The following KIAA1328 variants were observed in gnomAD, a reference collection of about 807,000 sequenced individuals.
KIAA1328 encodes protein hinderin.
Under a neutral mutation model 68.1 loss-of-function variants are expected in KIAA1328, and 52 were observed. That is an observed-to-expected ratio of 0.76 (90% CI 0.61 to 0.96). KIAA1328 has a LOEUF of 0.96. KIAA1328 is among the 40% of genes least tolerant of loss of function. The pLI, the probability that KIAA1328 is intolerant of heterozygous loss-of-function variation, is 0.00. For synonymous variants in KIAA1328, 232 were observed against 239.4 expected, an observed-to-expected ratio of 0.97 and a Z score of 0.28; for missense variants, 641 against 677.6, an observed-to-expected ratio of 0.95 and a Z score of 0.60.
chr18:36,891,471 T>C (rs1360769814), intron 5 of KIAA1328, among the ~76,000 whole-genome samples: 7 of 152,130 alleles, frequency 4.6e-5, no homozygotes, highest in Admixed American at 4.6e-4. Context: ...TCTTCCCCCC[T>C]CTGCTGAGTC....
At chr18:37,173,385 T>C (rs2059538163) in intron 9 of KIAA1328, among the ~76,000 whole-genome samples, 1 of 152,236 alleles carries the variant, frequency 6.6e-6, no homozygotes, top group Admixed American at 6.5e-5. Flanking sequence ...AGAAAAGTTA[T>C]ACATTTAGAC....
intron 5 of KIAA1328, among the ~76,000 whole-genome samples, chr18:36,929,955 A>G (rs981747476): frequency 1.3e-5 from 2 of 152,130 alleles, no homozygotes; most frequent in Admixed American, 6.5e-5. Flanking sequence ...TAGTAGTTTC[A>G]GCCTTTGCTT....
At chr18:36,992,544 C>T (rs1158000931) in intron 6 of KIAA1328, among the ~76,000 whole-genome samples, 2 of 145,390 alleles carry the variant, frequency 1.4e-5, no homozygotes, top group African/African-American at 2.7e-5. Context: ...GTTGCATGTT[C>T]CTCTTTCCTG....
intron 3 of KIAA1328, among the ~76,000 whole-genome samples, chr18:36,841,716 G>A (rs2046865040): frequency 6.6e-6 from 1 of 152,140 alleles, no homozygotes; most frequent in Admixed American, 6.5e-5. Context: ...AAATGAATGA[G>A]CACGTTTTAA....
At chr18:37,211,320 T>G (rs1181486603) in intron 9 of KIAA1328, among the ~76,000 whole-genome samples, 2 of 152,184 alleles carry the variant, frequency 1.3e-5, no homozygotes, top group Non-Finnish European at 2.9e-5. Flanking sequence ...GACCTCAGTT[T>G]CCTCATCAAT....
chr18:37,154,190 C>G (rs1438509567), intron 7 of KIAA1328, among the ~76,000 whole-genome samples: 5 of 152,162 alleles, frequency 3.3e-5, no homozygotes, highest in African/African-American at 9.7e-5. Flanking sequence ...GAGAGGGAAG[C>G]AAATAATATC....
chr18:37,154,373 T>C (rs2059108466), intron 7 of KIAA1328, among the ~76,000 whole-genome samples: 1 of 152,222 alleles, frequency 6.6e-6, no homozygotes, highest in South Asian at 2.1e-4. Flanking sequence ...ATTCTTTCTG[T>C]CACATTTGAT....
rs138167707 is a variant in KIAA1328, at chr18:36,924,733, A to G, written c.449-34575A>G. 7.2e-4 allele frequency among the ~76,000 whole-genome samples: 109 copies of G among 152,248 alleles called. No individual in the cohort carries two copies. In the East Asian group the frequency reaches 0.017, roughly 24 times the overall value. On this transcript the variant is annotated intron_variant, in intron 5 of 9. Coordinates refer to ENST00000280020, the MANE Select transcript of KIAA1328 (RefSeq NM_020776.3). ...AGATCAAAGCCAAGGACACACCCCA[A>G]TATTTATTAGGTATAGAAAGATAGG...
chr18:37,012,348 C>T (rs1247929419), intron 6 of KIAA1328, among the ~76,000 whole-genome samples: 3 of 152,182 alleles, frequency 2.0e-5, no homozygotes, highest in African/African-American at 7.2e-5. Flanking sequence ...GCTGCTTCCA[C>T]AACTGCTTCT....
intron 9 of KIAA1328, among the ~76,000 whole-genome samples, chr18:37,204,789 A>C (rs2060186037): frequency 6.6e-6 from 1 of 151,746 alleles, no homozygotes; most frequent in African/African-American, 2.4e-5. Flanking sequence ...AACACCTCTC[A>C]AGAAACAGGA....
chr18:36,898,353 T>A (rs2048929836), intron 5 of KIAA1328, among the ~76,000 whole-genome samples: 1 of 151,930 alleles, frequency 6.6e-6, no homozygotes. Flanking sequence ...CCCTTTTAAT[T>A]TTCTGAAGCA....
chr18:37,207,098 A>G (rs2060230371), intron 9 of KIAA1328, among the ~76,000 whole-genome samples: 1 of 152,172 alleles, frequency 6.6e-6, no homozygotes, highest in South Asian at 2.1e-4. Context: ...TAAAAAGGAG[A>G]AAGCCTCTGA....
At chr18:37,130,768 A>G (rs968121037) in intron 7 of KIAA1328, among the ~76,000 whole-genome samples, 8 of 152,186 alleles carry the variant, frequency 5.3e-5, no homozygotes, top group African/African-American at 1.7e-4. Context: ...CATGGATAAG[A>G]AAAAAAGAGT....
chr18:36,988,656 CA>C (rs1201251423), intron 6 of KIAA1328, among the ~76,000 whole-genome samples: 3 of 152,176 alleles, frequency 2.0e-5, no homozygotes, highest in Non-Finnish European at 4.4e-5. Flanking sequence ...GCTCATTTCT[CA>C]AGGATTCTTT....
intron 7 of KIAA1328, among the ~76,000 whole-genome samples, chr18:37,075,978 C>A (rs1157287165): frequency 6.6e-6 from 1 of 151,738 alleles, no homozygotes; most frequent in Admixed American, 6.6e-5. Flanking sequence ...CTGCACCAAG[C>A]GGACCTAATA....
At chr18:37,197,942 C>T (rs112154571) in intron 9 of KIAA1328, among the ~76,000 whole-genome samples, 185 of 152,138 alleles carry the variant, frequency 1.2e-3, no homozygotes, top group African/African-American at 4.3e-3. Flanking sequence ...AAGGTGGACA[C>T]AACTTAATGT....
chr18:36,882,995 A>G (rs1228394005), intron 4 of KIAA1328, among the ~76,000 whole-genome samples: 2 of 152,296 alleles, frequency 1.3e-5, no homozygotes, highest in Non-Finnish European at 2.9e-5. Flanking sequence ...TGGAAACTCT[A>G]TACTGAATAA....
chr18:36,926,657 A>G (rs1207644821), intron 5 of KIAA1328, among the ~76,000 whole-genome samples: 1 of 152,200 alleles, frequency 6.6e-6, no homozygotes, highest in African/African-American at 2.4e-5. Flanking sequence ...TCCTAAAGGC[A>G]GAGAATGTTC....
rs1416791455 is a variant in KIAA1328 at position 37,223,466 on chromosome 18, A to G, written c.*1239A>G. The G allele has an allele frequency of 2.0e-6, 2 of 985,416 alleles. No individual in the cohort carries two copies. Among genetic ancestry groups the G allele is most frequent in the Non-Finnish European group, 2.4e-6 (2 of 829,956 alleles). The allele number at this position is 985,416 out of a possible 1,614,324, so 61.0% of individuals were successfully genotyped here. The stretch of plus-strand genomic sequence containing the variant: ...CTAATGGGGATGATGATCCTGGTTT[A>G]GCCAGAGTTCAAAACTCTCCAGTCA... On this transcript the variant is annotated 3_prime_UTR_variant, in exon 10 of 10. Transcript: ENST00000280020.
Sources: gnomAD v4.1 joint callset for allele counts (sites outside exome capture counted in the v4.1 genomes callset) on GRCh38, gnomAD v4.1.1 for gene constraint, MANE v1.5 for transcripts, NCBI Gene and HGNC (gene_info 2026-07-23, HGNC 2026-07-21) for gene names.